DBT: variants seen among roughly 807,000 people sequenced by gnomAD.
DBT encodes the protein dihydrolipoamide branched chain transacylase E2, also known as lipoamide acyltransferase component of branched-chain alpha-keto acid dehydrogenase complex, mitochondrial.
DBT carries 40 observed loss-of-function variants against 51.3 expected under a neutral mutation model. That is an observed-to-expected ratio of 0.78 (90% CI 0.61 to 1.02). The LOEUF (loss-of-function observed/expected upper bound fraction) is 1.02. Among genes scored for constraint, DBT ranks in the 50% least tolerant of loss-of-function variants. The pLI is 0.00. For synonymous variants in DBT, 181 were observed against 190.4 expected, an observed-to-expected ratio of 0.95 and a Z score of 0.41; for missense variants, 510 against 580.2, an observed-to-expected ratio of 0.88 and a Z score of 1.24.
intron 4 of DBT, among the ~76,000 whole-genome samples, chr1:100,219,659 G>A (rs1472128936): frequency 6.6e-6 from 1 of 151,970 alleles, no homozygotes. Flanking sequence ...GAGGCGGGGA[G>A]AATCACTTAA....
chr1:100,239,764 GA>G (rs1291085224), intron 2 of DBT, among the ~76,000 whole-genome samples: 4 of 149,792 alleles, frequency 2.7e-5, no homozygotes, highest in African/African-American at 9.9e-5. Flanking sequence ...TCAGGAGGTT[GA>G]GGCAGGAGGA....
rs946353469 is a variant in DBT at position 100,214,900 on chromosome 1, C to T, written c.856G>A (p.Glu286Lys). The part of the protein sequence containing the change: ...FGYCDEIDLT[E>K]LVKLREELKP... Reference sequence around the variant, plus strand: ...AATTCTTCTCGGAGCTTAACCAGTTCAGTAAGGTCAATCTCATCACAATAA... The same window carrying T: ...AATTCTTCTCGGAGCTTAACCAGTTTAGTAAGGTCAATCTCATCACAATAA... Residue 286 changes from glutamate (E) to lysine (K), a missense_variant, in exon 7 of 11, where the codon GAA becomes AAA. Coordinates refer to ENST00000370132, the MANE Select transcript of DBT (RefSeq NM_001918.5). 1 of 1,613,466 alleles carries T rather than the reference C, an allele frequency of 6.2e-7. No individual in the cohort carries two copies. The highest frequency in any genetic ancestry group is 1.3e-5 in the African/African-American group (1 of 74,892).
At chr1:100,239,453 T>C (rs1391807468) in intron 2 of DBT, among the ~76,000 whole-genome samples, 1 of 152,110 alleles carries the variant, frequency 6.6e-6, no homozygotes, top group Non-Finnish European at 1.5e-5. Context: ...TTTACATGTC[T>C]TAGGCTATAG....
At chr1:100,200,207 G>A (rs1271745001) in intron 10 of DBT, among the ~76,000 whole-genome samples, 2 of 152,190 alleles carry the variant, frequency 1.3e-5, no homozygotes. Flanking sequence ...CTGGGATGCT[G>A]GAGGTTGGTG....
chr1:100,195,467 TA>T lies in DBT; in HGVS notation c.*787del, dbSNP rs1222650589. The T allele has an allele frequency of 6.6e-6, 1 of 152,398 alleles. No homozygotes were observed. The highest frequency in any genetic ancestry group is 1.5e-5 in the Non-Finnish European group (1 of 68,056). The allele number at this position is 152,398 out of a possible 1,614,324, so 9.4% of individuals were successfully genotyped here. A position where few individuals can be genotyped will look rare whatever the true frequency, so the allele number is the denominator to read the frequency against. ...ATATTCTCTATACAGAGCAAGAATA[TA>T]CTCTTGGATATCTCAAAAGAGAAGT... On this transcript the variant is annotated 3_prime_UTR_variant, in exon 11 of 11. Transcript: ENST00000370132.
intron 10 of DBT, among the ~76,000 whole-genome samples, chr1:100,201,105 C>T (rs545896243): frequency 2.0e-5 from 3 of 152,110 alleles, no homozygotes; most frequent in South Asian, 2.1e-4. Context: ...CAAACTCCTC[C>T]GAGCTAAAGG....
At chr1:100,201,106 G>A (rs1036250007) in intron 10 of DBT, among the ~76,000 whole-genome samples, 5 of 152,012 alleles carry the variant, frequency 3.3e-5, no homozygotes, top group South Asian at 2.1e-4. Flanking sequence ...AAACTCCTCC[G>A]AGCTAAAGGA....
intron 5 of DBT, among the ~76,000 whole-genome samples, chr1:100,216,792 T>C (rs1379828948): frequency 6.6e-6 from 1 of 152,186 alleles, no homozygotes; most frequent in Non-Finnish European, 1.5e-5. Flanking sequence ...TCTCTCAAAT[T>C]AGTTATTTTT....
In DBT at chr1:100,189,831, G is replaced by T. The variant is rs1482223970; in HGVS notation, c.*6424C>A. ...GACTATTTAAAAAATAAGAACATTT[G>T]TGTCTTATTAGTTAAGGCAGCACTA... On this transcript the variant is annotated 3_prime_UTR_variant, in exon 11 of 11. Transcript: ENST00000370132. The T allele has an allele frequency of 6.6e-6, 1 of 152,076 alleles. No homozygotes were observed. The highest frequency in any genetic ancestry group is 6.5e-5 in the Admixed American group (1 of 15,268). 9.4% of individuals were successfully genotyped at this position (152,076 alleles called of 1,614,324 possible).
intron 7 of DBT, among the ~76,000 whole-genome samples, 170 bp downstream of exon 7, chr1:100,214,647 A>G (rs1006808960): frequency 2.0e-5 from 3 of 152,166 alleles, no homozygotes; most frequent in Admixed American, 6.5e-5. Context: ...CCAGCTACTC[A>G]GGAGGCTAAG....
intron 1 of DBT, among the ~76,000 whole-genome samples, chr1:100,246,209 G>C (rs1664527669): frequency 6.6e-6 from 1 of 152,130 alleles, no homozygotes; most frequent in Non-Finnish European, 1.5e-5. Context: ...AGTGAGCTGA[G>C]ATTGCACCAC....
At chr1:100,231,000 A>G (rs1663527530) in intron 3 of DBT, 86 bp from the exon 4 acceptor site, 1 of 807,566 alleles carries the variant, frequency 1.2e-6, no homozygotes. Flanking sequence ...GCTGAGTTAG[A>G]TCAGTATTCA....
At chr1:100,220,139 C>A (rs1050459110) in intron 4 of DBT, among the ~76,000 whole-genome samples, 2 of 151,840 alleles carry the variant, frequency 1.3e-5, no homozygotes, top group Admixed American at 6.6e-5. Flanking sequence ...AGCAAGGCTG[C>A]CTCAAAAAGA....
chr1:100,220,295 A>G (rs1662777028), intron 4 of DBT, among the ~76,000 whole-genome samples: 1 of 152,152 alleles, frequency 6.6e-6, no homozygotes, highest in Non-Finnish European at 1.5e-5. Context: ...TTTTGAGAGC[A>G]CTTAATTGTC....
chr1:100,202,502 AGAC>A (rs1661517204), intron 10 of DBT, among the ~76,000 whole-genome samples: 3 of 151,444 alleles, frequency 2.0e-5, no homozygotes, highest in Non-Finnish European at 4.4e-5. Context: ...ACAGAACATT[AGAC>A]ATTAGACAGA....
At position 100,188,703 on chromosome 1, in the gene DBT, G is replaced by C. The variant is rs1050210429; in HGVS notation, c.*7552C>G. 6.6e-6 allele frequency: 1 copy of C among 152,182 alleles called. No individual in the cohort carries two copies. The highest frequency in any genetic ancestry group is 1.5e-5 in the Non-Finnish European group (1 of 68,060). The allele number at this position is 152,182 out of a possible 1,614,324, so 9.4% of individuals were successfully genotyped here. A position where few individuals can be genotyped will look rare whatever the true frequency, so the allele number is the denominator to read the frequency against. ...TGTCTCTTGTTGAGTCACAACAGCT[G>C]TTCCCCATGCTCTGCGTGGTAACAT... On this transcript the variant is annotated 3_prime_UTR_variant, in exon 11 of 11. Transcript: ENST00000370132.
rs1296902969 is a variant in DBT at position 100,193,926 on chromosome 1, T to C, written c.*2329A>G. ...TATGCAGCCATTTAAAGCATGACAA[T>C]GTGGAATTGTTTATTGACATGTAAG... On this transcript the variant is annotated 3_prime_UTR_variant, in exon 11 of 11. Transcript: ENST00000370132. 1 of 152,160 alleles carries C rather than the reference T, an allele frequency of 6.6e-6. No homozygotes were observed. Among genetic ancestry groups the C allele is most frequent in the Non-Finnish European group, 1.5e-5 (1 of 68,024 alleles). 9.4% of individuals were successfully genotyped at this position (152,160 alleles called of 1,614,324 possible).
intron 1 of DBT, among the ~76,000 whole-genome samples, chr1:100,245,737 G>C (rs538954222): frequency 7.2e-5 from 11 of 152,098 alleles, no homozygotes; most frequent in African/African-American, 2.7e-4. Flanking sequence ...AGGATCACTG[G>C]AGCCCAGGAG....
At chr1:100,243,743 GA>G (rs1664368232) in intron 1 of DBT, among the ~76,000 whole-genome samples, 1 of 152,098 alleles carries the variant, frequency 6.6e-6, no homozygotes, top group African/African-American at 2.4e-5. Flanking sequence ...CAAATAAGTG[GA>G]ACAATCGAGC....
Sources: gnomAD v4.1 joint callset for allele counts (sites outside exome capture counted in the v4.1 genomes callset) on GRCh38, gnomAD v4.1.1 for gene constraint, MANE v1.5 for transcripts, NCBI Gene and HGNC (gene_info 2026-07-23, HGNC 2026-07-21) for gene names.